The following COMMD10 variants were observed in gnomAD, a reference collection of about 807,000 sequenced individuals.
The protein encoded by COMMD10 is COMM domain-containing protein 10.
Under a neutral mutation model 28.9 loss-of-function variants are expected in COMMD10, and 33 were observed. That is an observed-to-expected ratio of 1.14 (90% confidence interval 0.87 to 1.53). The LOEUF (loss-of-function observed/expected upper bound fraction) is 1.53, where lower values mean the gene tolerates loss of function less well. Among genes scored for constraint, COMMD10 ranks in the 40% most tolerant of loss-of-function variants. The probability of loss-of-function intolerance (pLI) is 0.00; values close to 1 mark genes in which losing one functional copy is unlikely to be tolerated. For missense variants in COMMD10, 310 were observed against 233.4 expected (o/e 1.33, Z -2.14); for synonymous variants, 110 against 81.7 (o/e 1.35, Z -1.87).
chr5:116,152,320 A>G (rs192433697), intron 5 of COMMD10, among the ~76,000 whole-genome samples: 14 of 152,234 alleles, frequency 9.2e-5, no homozygotes, highest in Admixed American at 5.9e-4. Context: ...CTAATATTCT[A>G]TTGTAGGCTA....
chr5:116,116,248 C>T (rs1751230231), intron 4 of COMMD10, among the ~76,000 whole-genome samples: 2 of 151,932 alleles, frequency 1.3e-5, no homozygotes, highest in South Asian at 4.2e-4. Context: ...TTATTGAATA[C>T]CTATCTTTTA....
At chr5:116,179,027 T>C (rs1178196479) in intron 5 of COMMD10, among the ~76,000 whole-genome samples, 1 of 152,104 alleles carries the variant, frequency 6.6e-6, no homozygotes, top group African/African-American at 2.4e-5. Context: ...TACATCATGC[T>C]TCTGTCCCCA....
At chr5:116,180,955 C>G (rs1045768650) in intron 5 of COMMD10, among the ~76,000 whole-genome samples, 1 of 151,966 alleles carries the variant, frequency 6.6e-6, no homozygotes, top group South Asian at 2.1e-4. Flanking sequence ...TAGTTCGAGA[C>G]CAGCCTGGAC....
At chr5:116,135,254 T>C (rs1404612394) in intron 5 of COMMD10, among the ~76,000 whole-genome samples, 1 of 152,144 alleles carries the variant, frequency 6.6e-6, no homozygotes, top group East Asian at 1.9e-4. Context: ...GAAGAAATGT[T>C]ATTATTTATA....
chr5:116,211,599 A>G (rs773933450), intron 5 of COMMD10, among the ~76,000 whole-genome samples: 22 of 152,274 alleles, frequency 1.4e-4, no homozygotes, highest in Admixed American at 4.6e-4. Context: ...TTTGTCACTT[A>G]TTAGCACATT....
intron 5 of COMMD10, among the ~76,000 whole-genome samples, chr5:116,203,649 G>A (rs1580545629): frequency 6.6e-6 from 1 of 151,956 alleles, no homozygotes; most frequent in Admixed American, 6.6e-5. Flanking sequence ...TAAGCTTCAT[G>A]AGTGAAGGAG....
chr5:116,137,964 A>C (rs1485992362), intron 5 of COMMD10, among the ~76,000 whole-genome samples: 2 of 151,878 alleles, frequency 1.3e-5, no homozygotes, highest in East Asian at 3.9e-4. Flanking sequence ...TCTGACTTAA[A>C]GTTTTTTTCG....
chr5:116,270,733 T>C (rs1441705796), intron 5 of COMMD10, among the ~76,000 whole-genome samples: 2 of 151,586 alleles, frequency 1.3e-5, no homozygotes, highest in Admixed American at 1.3e-4. Flanking sequence ...GGTCAGGAGC[T>C]CACGACCAGC....
At chr5:116,120,614 A>G (rs547367264) in intron 4 of COMMD10, among the ~76,000 whole-genome samples, 1 of 152,262 alleles carries the variant, frequency 6.6e-6, no homozygotes, top group African/African-American at 2.4e-5. Context: ...CCCCTGCTCT[A>G]CATTCTGTCA....
At chr5:116,188,104 G>A (rs903638866) in intron 5 of COMMD10, among the ~76,000 whole-genome samples, 6 of 152,132 alleles carry the variant, frequency 3.9e-5, no homozygotes, top group African/African-American at 1.4e-4. Flanking sequence ...AACTAACCTA[G>A]ATGAACATTG....
At chr5:116,129,986 A>T (rs1017830295) in intron 4 of COMMD10, among the ~76,000 whole-genome samples, 1 of 151,334 alleles carries the variant, frequency 6.6e-6, no homozygotes, top group Non-Finnish European at 1.5e-5. Flanking sequence ...GCACAAACAC[A>T]TATGAGGTCA....
At chr5:116,273,815 A>G (rs1331567180) in intron 5 of COMMD10, among the ~76,000 whole-genome samples, 2 of 151,902 alleles carry the variant, frequency 1.3e-5, no homozygotes, top group Non-Finnish European at 2.9e-5. Flanking sequence ...TAAATGATTC[A>G]TTAAAATATA....
At chr5:116,150,159 A>G (rs997644592) in intron 5 of COMMD10, among the ~76,000 whole-genome samples, 1 of 152,128 alleles carries the variant, frequency 6.6e-6, no homozygotes, top group Admixed American at 6.5e-5. Context: ...CAAAGATCAG[A>G]TAGTTGTAGC....
chr5:116,200,401 G>A (rs550320866), intron 5 of COMMD10, among the ~76,000 whole-genome samples: 1 of 152,110 alleles, frequency 6.6e-6, no homozygotes, highest in African/African-American at 2.4e-5. Context: ...ATCCTTAAGT[G>A]TAGTTTCTTT....
At chr5:116,162,013 C>T (rs1164092293) in intron 5 of COMMD10, among the ~76,000 whole-genome samples, 3 of 152,120 alleles carry the variant, frequency 2.0e-5, no homozygotes, top group Non-Finnish European at 4.4e-5. Flanking sequence ...CAATTTTCAT[C>T]CCATTTAAAT....
intron 4 of COMMD10, among the ~76,000 whole-genome samples, chr5:116,123,984 G>T (rs1009435511): frequency 1.2e-4 from 18 of 151,606 alleles, no homozygotes; most frequent in African/African-American, 4.1e-4. Flanking sequence ...CTTGCCAGCA[G>T]TCTATCAATT....
intron 4 of COMMD10, among the ~76,000 whole-genome samples, chr5:116,117,324 T>G (rs1751273055): frequency 6.6e-6 from 1 of 152,216 alleles, no homozygotes; most frequent in Admixed American, 6.5e-5. Context: ...AGCCAAAAAG[T>G]CTGAGACTTC....
At chr5:116,274,460 G>T (rs888060444) in intron 5 of COMMD10, among the ~76,000 whole-genome samples, 5 of 151,780 alleles carry the variant, frequency 3.3e-5, no homozygotes, top group Admixed American at 3.3e-4. Flanking sequence ...CTGAAAGTAG[G>T]TCAGATTTTT....
intron 4 of COMMD10, among the ~76,000 whole-genome samples, chr5:116,097,948 C>G (rs1047307212): frequency 2.0e-5 from 3 of 152,206 alleles, no homozygotes; most frequent in African/African-American, 7.2e-5. Context: ...TCACCTCCCA[C>G]CGGGCCCACC....
Sources: allele counts gnomAD v4.1 joint callset (sites outside exome capture counted in the v4.1 genomes callset), GRCh38; gene constraint gnomAD v4.1.1; transcripts MANE v1.5; gene names NCBI Gene and HGNC (gene_info 2026-07-23, HGNC 2026-07-21).